Variants in SAMD12 observed in about 807,000 individuals in gnomAD.
SAMD12 encodes sterile alpha motif domain-containing protein 12.
Under a neutral mutation model 15.0 loss-of-function variants are expected in SAMD12, and 9 were observed. The observed-to-expected ratio is 0.60, with a 90% CI of 0.36 to 1.05. The LOEUF is 1.05. Ranked by LOEUF, SAMD12 falls within the 50% of genes least tolerant of loss-of-function variation. SAMD12 has a pLI of 0.01. For synonymous variants in SAMD12, 86 were observed against 90.1 expected, an observed-to-expected ratio of 0.96 and a Z score of 0.25; for missense variants, 230 against 234.2, an observed-to-expected ratio of 0.98 and a Z score of 0.12.
At chr8:118,183,392 G>T in the SAMD12 span, among the ~76,000 whole-genome samples, 1 of 152,174 alleles carries the variant, frequency 6.6e-6, no homozygotes, top group Non-Finnish European at 1.5e-5. Flanking sequence ...TGTGCATTGG[G>T]TACATTTTTT....
intron 4 of SAMD12, among the ~76,000 whole-genome samples, chr8:118,320,672 T>TGGGGGGGGGG (rs71569763): frequency 2.8e-4 from 24 of 84,554 alleles, no homozygotes; most frequent in Admixed American, 9.7e-4. Flanking sequence ...TGTCGTGGGG[T>TGGGGGGGGGG]GGGGGGGGTG....
intron 3 of SAMD12, among the ~76,000 whole-genome samples, chr8:118,435,498 T>G (rs1411969343): frequency 6.6e-6 from 1 of 152,156 alleles, no homozygotes; most frequent in Non-Finnish European, 1.5e-5. Flanking sequence ...CTCTTCTGAT[T>G]AAACACATCT....
chr8:118,383,458 A>G (rs1819776157), intron 3 of SAMD12, among the ~76,000 whole-genome samples: 1 of 152,120 alleles, frequency 6.6e-6, no homozygotes, highest in Non-Finnish European at 1.5e-5. Flanking sequence ...TAGAGCAAAT[A>G]TTTTTTTAAA....
chr8:118,586,514 T>C (rs1357831985), intron 1 of SAMD12, among the ~76,000 whole-genome samples: 1 of 152,020 alleles, frequency 6.6e-6, no homozygotes, highest in Non-Finnish European at 1.5e-5. Context: ...AGCTAATTTT[T>C]GTATTATTTG....
chr8:118,523,510 T>C (rs1450038700), intron 2 of SAMD12, among the ~76,000 whole-genome samples: 4 of 152,144 alleles, frequency 2.6e-5, no homozygotes, highest in East Asian at 1.9e-4. Flanking sequence ...AAGCTAAACT[T>C]CTTACATGGA....
At chr8:118,592,747 C>T (rs1449608548) in intron 1 of SAMD12, among the ~76,000 whole-genome samples, 19 of 152,140 alleles carry the variant, frequency 1.2e-4, no homozygotes, top group Admixed American at 1.2e-3. Context: ...CTTGTACACA[C>T]AGCTCCACTA....
chr8:118,183,738 A>G, the SAMD12 span, among the ~76,000 whole-genome samples: 1 of 152,042 alleles, frequency 6.6e-6, no homozygotes, highest in Admixed American at 6.6e-5. Flanking sequence ...GATAAATTGT[A>G]TTGTGGGGAA....
chr8:118,592,270 G>A (rs541253719), intron 1 of SAMD12, among the ~76,000 whole-genome samples: 2 of 152,068 alleles, frequency 1.3e-5, no homozygotes, highest in Admixed American at 6.5e-5. Flanking sequence ...GTGGTGAGCC[G>A]AGATGCCAAA....
chr8:118,421,271 C>T (rs1821985369), intron 3 of SAMD12, among the ~76,000 whole-genome samples: 1 of 152,202 alleles, frequency 6.6e-6, no homozygotes, highest in Admixed American at 6.5e-5. Flanking sequence ...TATGCTCCTA[C>T]TTATTTTCTA....
Position 118,302,078 on chromosome 8 carries a change from G to GTTTTTTTTTTTTTTTTTTTTTTTT in SAMD12, c.433+77458_433+77481dup, listed in dbSNP as rs58076997. Among the ~76,000 whole-genome samples the GTTTTTTTTTTTTTTTTTTTTTTTT allele has an allele frequency of 4.3e-4, 32 of 74,690 alleles. 5 individuals carry two copies. The highest frequency in any genetic ancestry group is 1.3e-3 in the African/African-American group (19 of 14,296). 49.0% of individuals were successfully genotyped at this position (74,690 alleles called of 152,430 possible). ...ATTTTCTAGCGCCAGATCTTTGAGAGTTTTTTTTTTTTTTTTTTTTTTTTT... is the reference window on the plus strand; with the variant it reads ...ATTTTCTAGCGCCAGATCTTTGAGAGTTTTTTTTTTTTTTTTTTTTTTTTTTTTTTTTTTTTTTTTTTTTTTTTT... On this transcript the variant is annotated intron_variant, in intron 4 of 4. Coordinates refer to the SAMD12 transcript ENST00000409003.
downstream of SAMD12, among the ~76,000 whole-genome samples, chr8:118,374,824 G>GT (rs76230719): frequency 1.1e-4 from 16 of 150,466 alleles, no homozygotes; most frequent in Admixed American, 2.0e-4. Flanking sequence ...TATTTGGCTT[G>GT]TTTTTTTTTC....
At chr8:118,465,206 GAGC>G (rs1823558301) in intron 2 of SAMD12, among the ~76,000 whole-genome samples, 1 of 152,124 alleles carries the variant, frequency 6.6e-6, no homozygotes, top group Non-Finnish European at 1.5e-5. Flanking sequence ...GCTGACCCAG[GAGC>G]AATGATTATA....
chr8:118,351,909 C>G (rs1817983002), intron 4 of SAMD12, among the ~76,000 whole-genome samples: 1 of 152,188 alleles, frequency 6.6e-6, no homozygotes. Flanking sequence ...GGAATCCTTG[C>G]TGGCTCTTTG....
intron 3 of SAMD12, among the ~76,000 whole-genome samples, chr8:118,404,622 A>G (rs1821036992): frequency 6.6e-6 from 1 of 152,192 alleles, no homozygotes; most frequent in African/African-American, 2.4e-5. Context: ...CATTAATGCC[A>G]TAAGAGTTAC....
At chr8:118,175,948 A>G in the SAMD12 span, among the ~76,000 whole-genome samples, 2 of 152,324 alleles carry the variant, frequency 1.3e-5, no homozygotes, top group East Asian at 1.9e-4. Flanking sequence ...TTTTTCAAAG[A>G]ACTTAATAGA....
chr8:118,468,836 C>A (rs539550891), intron 2 of SAMD12, among the ~76,000 whole-genome samples: 16 of 152,238 alleles, frequency 1.1e-4, no homozygotes, highest in Non-Finnish European at 2.2e-4. Context: ...AAAGCAATTG[C>A]CAAGCTAAGG....
the SAMD12 span, among the ~76,000 whole-genome samples, chr8:118,146,201 G>A: frequency 6.6e-6 from 1 of 152,152 alleles, no homozygotes; most frequent in African/African-American, 2.4e-5. Context: ...AGGAGGCAGG[G>A]GTAGGCAGAG....
intron 4 of SAMD12, among the ~76,000 whole-genome samples, chr8:118,204,929 T>C (rs1440501568): frequency 6.6e-6 from 1 of 152,248 alleles, no homozygotes; most frequent in African/African-American, 2.4e-5. Flanking sequence ...GTTAATTTTA[T>C]GTGTGAACTT....
intron 3 of SAMD12, among the ~76,000 whole-genome samples, chr8:118,381,015 C>T (rs539918005): frequency 2.6e-4 from 39 of 152,252 alleles, no homozygotes; most frequent in African/African-American, 8.4e-4. Context: ...ATCTTCATGC[C>T]ATCAATGAAA....
Sources: gnomAD v4.1 joint callset for allele counts (sites outside exome capture counted in the v4.1 genomes callset) on GRCh38, gnomAD v4.1.1 for gene constraint, MANE v1.5 for transcripts, NCBI Gene and HGNC (gene_info 2026-07-23, HGNC 2026-07-21) for gene names.